OR10H1: variants seen among roughly 807,000 people sequenced by gnomAD.
OR10H1 encodes the protein olfactory receptor family 10 subfamily H member 1, also known as olfactory receptor 10H1.
OR10H1 carries 12 observed loss-of-function variants against 13.1 expected under a neutral mutation model. The observed-to-expected ratio is 0.92, with a 90% CI of 0.59 to 1.48. The LOEUF is 1.48. Among genes scored for constraint, OR10H1 ranks in the 40% most tolerant of loss-of-function variants. OR10H1 has a pLI of 0.00. For missense variants in OR10H1, 363 were observed against 413.1 expected (o/e 0.88, Z 1.05); for synonymous variants, 168 against 175.6 (o/e 0.96, Z 0.34).
chr19:15,814,431 C>G (rs1599315076), intron 1 of OR10H1, among the ~76,000 whole-genome samples: 2 of 151,098 alleles, frequency 1.3e-5, no homozygotes, highest in Middle Eastern at 3.5e-3. Context: ...CACCTGCTCC[C>G]ATTGACGCCT....
intron 3 of OR10H1, among the ~76,000 whole-genome samples, chr19:15,808,317 A>G (rs1351084082): frequency 6.6e-6 from 1 of 152,174 alleles, no homozygotes; most frequent in Non-Finnish European, 1.5e-5. Flanking sequence ...GGTAGATCAG[A>G]GACTGGAACC....
intron 2 of OR10H1, among the ~76,000 whole-genome samples, chr19:15,809,797 A>T (rs998699275): frequency 6.7e-6 from 1 of 149,904 alleles, no homozygotes. Flanking sequence ...GTCTTTATGA[A>T]ACAATTAAAT....
chr19:15,810,109 A>G (rs2088924965), intron 2 of OR10H1, among the ~76,000 whole-genome samples: 1 of 152,080 alleles, frequency 6.6e-6, no homozygotes, highest in Admixed American at 6.6e-5. Context: ...AGCCTGGGCA[A>G]CATGGTGAAA....
chr19:15,811,883 G>A (rs1191979970), intron 2 of OR10H1, among the ~76,000 whole-genome samples: 1 of 152,158 alleles, frequency 6.6e-6, no homozygotes, highest in Non-Finnish European at 1.5e-5. Context: ...TGTTGGAGCT[G>A]TGTCTATCCC....
At position 15,814,445 on chromosome 19, in the gene OR10H1, TTGTGTGTGTGTG is replaced by T. The variant is rs148400110; in HGVS notation, c.-778+1098_-778+1109del. The stretch of plus-strand genomic sequence containing the variant: ...CCACCTGCTCCCATTGACGCCTCCC[TTGTGTGTGTGTG>T]TGTGTGTGTGTGTGTGTGTGTGTGA... On this transcript the variant is annotated intron_variant, in intron 1 of 3. Coordinates refer to ENST00000641419, the MANE Select transcript of OR10H1 (RefSeq NM_013940.4). Among the ~76,000 whole-genome samples, 134 of 102,012 alleles carry T rather than the reference TTGTGTGTGTGTG, an allele frequency of 1.3e-3. 2 individuals carry two copies. Among genetic ancestry groups the T allele is most frequent in the Middle Eastern group, 4.7e-3 (1 of 214 alleles). 66.9% of individuals were successfully genotyped at this position (102,012 alleles called of 152,430 possible).
chr19:15,814,449 G>C (rs1459968822), intron 1 of OR10H1, among the ~76,000 whole-genome samples: 2 of 82,338 alleles, frequency 2.4e-5, no homozygotes, highest in Admixed American at 1.7e-4. Context: ...CCTCCCTTGT[G>C]TGTGTGTGTG....
rs1340051661 is a variant in OR10H1, at chr19:15,815,561, C to T, written c.-784G>A. On this transcript the variant is annotated 5_prime_UTR_variant, in exon 1 of 4. Coordinates refer to ENST00000641419, the MANE Select transcript of OR10H1 (RefSeq NM_013940.4). ...GAGAGGGGAGGTGACTCACCTGGGACTCCAGGCATCTGCTTCTGCTTCATC... is the reference window on the plus strand; with the variant it reads ...GAGAGGGGAGGTGACTCACCTGGGATTCCAGGCATCTGCTTCTGCTTCATC... 1 of 152,290 alleles carries T rather than the reference C, an allele frequency of 6.6e-6. No individual in the cohort carries two copies. Among genetic ancestry groups the T allele is most frequent in the Non-Finnish European group, 1.5e-5 (1 of 68,118 alleles). 9.4% of individuals were successfully genotyped at this position (152,290 alleles called of 1,614,324 possible). A position where few individuals can be genotyped will look rare whatever the true frequency, so the allele number is the denominator to read the frequency against.
In OR10H1 at chr19:15,807,845, C is replaced by A. The variant is rs762967326; in HGVS notation, c.193G>T (p.Ala65Ser). ...LHTPMYLFLC[A>S]LSVSEILYTV... ...TAGAGGATCTCGGAGACGGAGAGGG[C>A]GCACAGGAAGAGGTACATGGGCGTG... The change falls in exon 4 of 4, where the codon GCC (alanine) becomes TCC (serine). Residue 65 changes from alanine (A) to serine (S), a missense_variant. By Grantham distance (99) the Ala-to-Ser change is moderately conservative. This residue lies in a region of OR10H1 where 318 missense variants were observed against 366.6 expected (regional missense o/e 0.87). Transcript: ENST00000641419. 10 of 1,609,538 alleles carry A rather than the reference C, an allele frequency of 6.2e-6. No individual in the cohort carries two copies. The South Asian group carries it at 6.6e-5, about 11-fold the overall frequency.
At position 15,806,248 on chromosome 19, in the gene OR10H1, A is replaced by C. The variant is rs1427832601; in HGVS notation, c.*833T>G. 1 of 151,984 alleles carries C rather than the reference A, an allele frequency of 6.6e-6. No homozygotes were observed. Among genetic ancestry groups the C allele is most frequent in the Non-Finnish European group, 1.5e-5 (1 of 68,002 alleles). The allele number at this position is 151,984 out of a possible 1,614,324, so 9.4% of individuals were successfully genotyped here. A position where few individuals can be genotyped will look rare whatever the true frequency, so the allele number is the denominator to read the frequency against. The stretch of plus-strand genomic sequence containing the variant: ...TCTTGCAGCAGATAGAAATAATCAA[A>C]CCTGGTTTTCTCTGTGTTAGTATCT... On this transcript the variant is annotated 3_prime_UTR_variant, in exon 4 of 4. Coordinates refer to ENST00000641419, the MANE Select transcript of OR10H1 (RefSeq NM_013940.4).
chr19:15,810,436 A>G (rs138856992), intron 2 of OR10H1, among the ~76,000 whole-genome samples: 44 of 150,752 alleles, frequency 2.9e-4, no homozygotes, highest in African/African-American at 1.0e-3. Context: ...ATAATGTTTT[A>G]GGGTTCATTT....
chr19:15,814,472 T>TGAGAGAGAGAGA (rs2088952978), intron 1 of OR10H1, among the ~76,000 whole-genome samples: 1 of 48,624 alleles, frequency 2.1e-5, no homozygotes, highest in Admixed American at 2.3e-4. Flanking sequence ...TGTGTGTGTG[T>TGAGAGAGAGAGA]GTGTGTGTGA....
In OR10H1 at chr19:15,805,074, T is replaced by C. The variant is rs987390529; in HGVS notation, c.*2007A>G. The C allele has an allele frequency of 1.3e-5, 2 of 152,078 alleles. No homozygotes were observed. The highest frequency in any genetic ancestry group is 2.9e-5 in the Non-Finnish European group (2 of 68,014). The allele number at this position is 152,078 out of a possible 1,614,324, so 9.4% of individuals were successfully genotyped here. A position where few individuals can be genotyped will look rare whatever the true frequency, so the allele number is the denominator to read the frequency against. On this transcript the variant is annotated 3_prime_UTR_variant, in exon 4 of 4. Transcript: ENST00000641419. ...GCCCACTTTTTGATGGGATTGTTTG[T>C]TTTTTTCTTGTAAATTTGTTTGAGT...
At position 15,813,697 on chromosome 19, in the gene OR10H1, CAGG is replaced by C. The variant is rs576943725; in HGVS notation, c.-777-822_-777-820del. On this transcript the variant is annotated intron_variant, in intron 1 of 3. Transcript: ENST00000641419. ...GTGGGGGGAGAGAGAGAGAGAAGGA[CAGG>C]GAGAAAGACACAGAGAGAGGTGGGG... Among the ~76,000 whole-genome samples, 3 of 88,710 alleles carry C rather than the reference CAGG, an allele frequency of 3.4e-5. No homozygotes were observed. The South Asian group carries it at 1.1e-3, about 32-fold the overall frequency. The allele number at this position is 88,710 out of a possible 152,430, so 58.2% of individuals were successfully genotyped here.
chr19:15,808,667 T>A (rs1047975717), intron 3 of OR10H1, 58 bp downstream of exon 3: 4 of 152,348 alleles, frequency 2.6e-5, no homozygotes, highest in Non-Finnish European at 5.9e-5. Flanking sequence ...CTGGCCAAAA[T>A]GGTGAAACCC....
Position 15,806,235 on chromosome 19 carries a change from T to C in OR10H1, c.*846A>G, listed in dbSNP as rs1444901501. On this transcript the variant is annotated 3_prime_UTR_variant, in exon 4 of 4. Transcript: ENST00000641419. Reference sequence around the variant, plus strand: ...AACTGACACAGTTTCTTGCAGCAGATAGAAATAATCAAACCTGGTTTTCTC... The same window carrying C: ...AACTGACACAGTTTCTTGCAGCAGACAGAAATAATCAAACCTGGTTTTCTC... The C allele has an allele frequency of 1.3e-5, 2 of 152,170 alleles. No individual in the cohort carries two copies. Among genetic ancestry groups the C allele is most frequent in the Admixed American group, 6.5e-5 (1 of 15,270 alleles). 9.4% of individuals were successfully genotyped at this position (152,170 alleles called of 1,614,324 possible).
chr19:15,814,360 C>T (rs538957905), intron 1 of OR10H1, among the ~76,000 whole-genome samples: 8 of 152,096 alleles, frequency 5.3e-5, no homozygotes, highest in African/African-American at 1.9e-4. Context: ...TCCACTTAAG[C>T]CACCACTTCC....
intron 1 of OR10H1, among the ~76,000 whole-genome samples, chr19:15,814,468 T>TGAGA (rs2088952435): frequency 4.7e-5 from 5 of 106,348 alleles, no homozygotes; most frequent in Admixed American, 9.4e-5. Flanking sequence ...TGTGTGTGTG[T>TGAGA]GTGTGTGTGT....
At chr19:15,813,678 GGA>G (rs371859325) in intron 1 of OR10H1, among the ~76,000 whole-genome samples, 15 of 142,620 alleles carry the variant, frequency 1.1e-4, no homozygotes, top group African/African-American at 1.6e-4. Context: ...GGAGGTGGGG[GGA>G]GAGAGAGAGA....
Position 15,807,846 on chromosome 19 carries a change from G to A in OR10H1, c.192C>T (p.Cys64=), listed in dbSNP as rs764184293. 85 of 1,609,744 alleles carry A rather than the reference G, an allele frequency of 5.3e-5. No homozygotes were observed. Among genetic ancestry groups the A allele is most frequent in the East Asian group, 2.7e-4 (12 of 44,872 alleles). The change falls in exon 4 of 4, where the codon TGC becomes TGT. Residue 64 remains cysteine, a synonymous_variant. Transcript: ENST00000641419. ...AGAGGATCTCGGAGACGGAGAGGGCGCACAGGAAGAGGTACATGGGCGTGT... is the reference window on the plus strand; with the variant it reads ...AGAGGATCTCGGAGACGGAGAGGGCACACAGGAAGAGGTACATGGGCGTGT... ...SLHTPMYLFL[C]ALSVSEILYT...
Sources: allele counts gnomAD v4.1 joint callset (sites outside exome capture counted in the v4.1 genomes callset), GRCh38; gene constraint gnomAD v4.1.1; regional missense constraint gnomAD v4.1.1; transcripts MANE v1.5; gene names NCBI Gene and HGNC (gene_info 2026-07-23, HGNC 2026-07-21).